DOCK7: variants seen among roughly 807,000 people sequenced by gnomAD.
DOCK7 encodes dedicator of cytokinesis 7, also known as dedicator of cytokinesis protein 7.
Under a neutral mutation model 271.0 loss-of-function variants are expected in DOCK7, and 138 were observed. That is an observed-to-expected ratio of 0.51 (90% CI 0.44 to 0.59). The LOEUF (loss-of-function observed/expected upper bound fraction) is 0.59. Among genes scored for constraint, DOCK7 ranks in the 20% least tolerant of loss-of-function variants. The pLI is 0.00. For missense variants in DOCK7, 2,066 were observed against 2,592.4 expected (o/e 0.80, Z 4.41); for synonymous variants, 823 against 876.1 (o/e 0.94, Z 1.07).
chr1:62,665,073 G>A (rs925454923), intron 1 of DOCK7, among the ~76,000 whole-genome samples: 6 of 152,076 alleles, frequency 3.9e-5, no homozygotes, highest in Admixed American at 2.6e-4. Flanking sequence ...CAAAACCTCC[G>A]CCTTCCAGGT....
At chr1:62,590,329 T>C (rs1156548925) in intron 14 of DOCK7, among the ~76,000 whole-genome samples, 1 of 152,220 alleles carries the variant, frequency 6.6e-6, no homozygotes, top group Non-Finnish European at 1.5e-5. Context: ...AGGTTTGATC[T>C]TGATCACATC....
Position 62,513,588 on chromosome 1 carries a change from G to A in DOCK7, c.4138C>T (p.Arg1380Ter), listed in dbSNP as rs1479675678. The A allele has an allele frequency of 3.7e-6, 6 of 1,612,334 alleles. No individual in the cohort carries two copies. The highest frequency in any genetic ancestry group is 5.1e-6 in the Non-Finnish European group (6 of 1,179,630). ...TTCTTAAAGGTCAAGCTATTCATTC[G>A]TTCAAACACTTTTTTCCCCTAAAAT... Reference protein sequence around the residue: ...FEYKGKKVFERMNSLTFKKSK... With the variant: ...FEYKGKKVFE The change falls in exon 33 of 50, where the codon CGA becomes TGA. Residue 1380 changes from arginine to a stop codon, truncating the protein, a stop_gained. Transcript: ENST00000635253. LOFTEE classifies it high-confidence loss of function.
At chr1:62,547,137 T>C (rs1375386220) in intron 22 of DOCK7, among the ~76,000 whole-genome samples, 2 of 152,154 alleles carry the variant, frequency 1.3e-5, no homozygotes, top group African/African-American at 4.8e-5. Flanking sequence ...AAAATCTCTT[T>C]GTGCTATGAA....
In DOCK7 at chr1:62,648,102, A is replaced by G. The variant is rs753306036; in HGVS notation, c.732+4T>C. The stretch of plus-strand genomic sequence containing the variant: ...TTTGCTTCTTTATATGCAAACATCT[A>G]TACCTCATCTGGTGATGGATGCAAA... On this transcript the variant is annotated splice_donor_region_variant and intron_variant, in intron 6 of 49. Transcript: ENST00000635253. The G allele has an allele frequency of 6.2e-7, 1 of 1,611,514 alleles. No individual in the cohort carries two copies. Among genetic ancestry groups the G allele is most frequent in the Non-Finnish European group, 8.5e-7 (1 of 1,178,112 alleles).
chr1:62,605,860 T>A (rs1571742010), intron 14 of DOCK7: 2 of 152,148 alleles, frequency 1.3e-5, no homozygotes, highest in Admixed American at 1.3e-4. Context: ...TCCCTAAAGA[T>A]TAGATACAAA....
intron 1 of DOCK7, among the ~76,000 whole-genome samples, chr1:62,669,477 C>T (rs893511410): frequency 1.3e-5 from 2 of 152,184 alleles, no homozygotes; most frequent in African/African-American, 2.4e-5. Context: ...GAAAACTTCA[C>T]GTCTGATTGG....
At chr1:62,544,540 G>T (rs554955191) in intron 23 of DOCK7, among the ~76,000 whole-genome samples, 2 of 152,258 alleles carry the variant, frequency 1.3e-5, no homozygotes, top group African/African-American at 2.4e-5. Flanking sequence ...GATAGTAAAT[G>T]TTAAATGAAA....
intron 14 of DOCK7, chr1:62,608,429 G>C (rs963221518): frequency 6.6e-6 from 1 of 152,000 alleles, no homozygotes; most frequent in Non-Finnish European, 1.5e-5. Flanking sequence ...TTTCTGATTG[G>C]CTAGATTGTG....
At chr1:62,507,802 G>GAATTTATAATTTAT (rs1646986391) in intron 35 of DOCK7, among the ~76,000 whole-genome samples, 160 bp downstream of exon 35, 1 of 152,188 alleles carries the variant, frequency 6.6e-6, no homozygotes. Flanking sequence ...GAAGCTATGG[G>GAATTTATAATTTAT]AATTTATAAT....
intron 6 of DOCK7, 41 bp downstream of exon 6, chr1:62,648,065 T>C (rs749567848): frequency 6.4e-7 from 1 of 1,570,000 alleles, no homozygotes; most frequent in South Asian, 1.1e-5. Flanking sequence ...AAAAGATCAA[T>C]TTTAATAATC....
At chr1:62,656,013 C>T (rs1321905922) in intron 2 of DOCK7, among the ~76,000 whole-genome samples, 2 of 152,078 alleles carry the variant, frequency 1.3e-5, no homozygotes, top group African/African-American at 4.8e-5. Flanking sequence ...CTCTCATAAG[C>T]CTTCTACCTT....
intron 14 of DOCK7, among the ~76,000 whole-genome samples, chr1:62,587,482 A>C (rs1435573582): frequency 2.6e-5 from 4 of 152,092 alleles, no homozygotes; most frequent in African/African-American, 7.2e-5. Context: ...TGAACATAAC[A>C]CTTTGACCCA....
rs767572584 is a variant in DOCK7, at chr1:62,457,651, C to T, written c.6267G>A (p.Glu2089=). 3.1e-6 allele frequency: 5 copies of T among 1,614,066 alleles called. No homozygotes were observed. In the African/African-American group the frequency reaches 5.3e-5, roughly 17 times the overall value. ...AGTTTCTCTCCAGTTCCCTTTGATA[C>T]TCCTTTTGATCCGGCCCAATTAAGC... ...NKSLIGPDQK[E]YQRELERNYH... Residue 2089 remains glutamate, a synonymous_variant, in exon 49 of 50, where the codon GAG becomes GAA. Transcript: ENST00000635253.
At chr1:62,616,364 C>T (rs1652434650) in intron 14 of DOCK7, among the ~76,000 whole-genome samples, 1 of 151,548 alleles carries the variant, frequency 6.6e-6, no homozygotes, top group South Asian at 2.1e-4. Flanking sequence ...GTATCACTTA[C>T]ATCAACTGTA....
chr1:62,524,066 A>G (rs1014013384), intron 31 of DOCK7, among the ~76,000 whole-genome samples: 26 of 152,288 alleles, frequency 1.7e-4, no homozygotes, highest in African/African-American at 6.0e-4. Context: ...AAAACAAGCA[A>G]AGAACTCTAG....
chr1:62,492,872 G>T lies in DOCK7; in HGVS notation c.5218-25C>A, dbSNP rs774778870. ...TCTAGGGAAAAAATATATTGAAAAG[G>T]TTTTTGAAACAGAATTTTCTAGCAT... On this transcript the variant is annotated intron_variant, in intron 40 of 49. Transcript: ENST00000635253. The T allele has an allele frequency of 6.9e-6, 11 of 1,586,686 alleles. No individual in the cohort carries two copies. In the African/African-American group the frequency reaches 1.5e-4, roughly 22 times the overall value.
At chr1:62,634,996 TCTG>T in intron 8 of DOCK7, 74 bp from the exon 9 acceptor site, 1 of 959,996 alleles carries the variant, frequency 1.0e-6, no homozygotes, top group South Asian at 2.3e-5. Flanking sequence ...GAAAGCTGCT[TCTG>T]CTACTTACTT....
chr1:62,540,551 G>A (rs1645495391), intron 25 of DOCK7, among the ~76,000 whole-genome samples: 1 of 152,106 alleles, frequency 6.6e-6, no homozygotes, highest in Non-Finnish European at 1.5e-5. Context: ...AGCTTTGAAA[G>A]GTTAGAAACC....
chr1:62,611,960 C>T (rs530145841), intron 14 of DOCK7, among the ~76,000 whole-genome samples: 2 of 148,308 alleles, frequency 1.3e-5, no homozygotes, highest in Non-Finnish European at 3.0e-5. Flanking sequence ...GCCTGGCCAA[C>T]ACAGTGAAAT....
Sources: allele counts gnomAD v4.1 joint callset (sites outside exome capture counted in the v4.1 genomes callset), GRCh38; gene constraint gnomAD v4.1.1; transcripts MANE v1.5; gene names NCBI Gene and HGNC (gene_info 2026-07-23, HGNC 2026-07-21).